The following SLC25A21 variants were observed in gnomAD, a reference collection of about 807,000 sequenced individuals.
The protein encoded by SLC25A21 is solute carrier family 25 member 21.
A neutral mutation model predicts 43.8 loss-of-function variants in SLC25A21; 47 were observed. That is an observed-to-expected ratio of 1.07 (90% CI 0.85 to 1.37). The LOEUF (loss-of-function observed/expected upper bound fraction) is 1.37. SLC25A21 is among the 40% of genes most tolerant of loss of function. SLC25A21 has a pLI of 0.00. For synonymous variants in SLC25A21, 131 were observed against 121.3 expected (o/e 1.08, Z -0.52); for missense variants, 352 against 350.2 (o/e 1.00, Z -0.04).
chr14:36,925,781 A>T (rs570901623), intron 1 of SLC25A21, among the ~76,000 whole-genome samples: 1 of 152,154 alleles, frequency 6.6e-6, no homozygotes, highest in Non-Finnish European at 1.5e-5. Flanking sequence ...CAGGGGGCAG[A>T]GGTTGTAGTG....
At chr14:37,113,315 G>C (rs1963052633) in intron 1 of SLC25A21, among the ~76,000 whole-genome samples, 1 of 152,106 alleles carries the variant, frequency 6.6e-6, no homozygotes, top group African/African-American at 2.4e-5. Flanking sequence ...GCATGGAATT[G>C]ATTAAATAGG....
At chr14:37,034,717 C>A (rs1290398426) in intron 1 of SLC25A21, among the ~76,000 whole-genome samples, 1 of 152,190 alleles carries the variant, frequency 6.6e-6, no homozygotes, top group African/African-American at 2.4e-5. Flanking sequence ...TACACTCAAC[C>A]ATCTGCTATT....
intron 1 of SLC25A21, among the ~76,000 whole-genome samples, chr14:36,957,284 T>C (rs992991293): frequency 5.3e-5 from 8 of 152,112 alleles, no homozygotes; most frequent in African/African-American, 1.2e-4. Flanking sequence ...AGGAAGACCC[T>C]AGGGAGGAAG....
At chr14:36,973,208 T>C (rs1039774689) in intron 1 of SLC25A21, among the ~76,000 whole-genome samples, 2 of 151,780 alleles carry the variant, frequency 1.3e-5, no homozygotes, top group Non-Finnish European at 2.9e-5. Flanking sequence ...AATCTGGCAG[T>C]GTATGTAAGA....
intron 7 of SLC25A21, among the ~76,000 whole-genome samples, chr14:36,701,319 C>G (rs1272318783): frequency 6.6e-6 from 1 of 152,196 alleles, no homozygotes; most frequent in African/African-American, 2.4e-5. Flanking sequence ...GCTCCCCACT[C>G]CACAGAAGGT....
chr14:37,110,157 C>T (rs754954847), intron 1 of SLC25A21, among the ~76,000 whole-genome samples: 1 of 152,178 alleles, frequency 6.6e-6, no homozygotes. Context: ...CTACTTCAGA[C>T]TTTCTAATCA....
At chr14:37,127,593 G>A (rs1285528092) in intron 1 of SLC25A21, among the ~76,000 whole-genome samples, 1 of 151,958 alleles carries the variant, frequency 6.6e-6, no homozygotes, top group Non-Finnish European at 1.5e-5. Flanking sequence ...GTTGAAATAG[G>A]TTTCCAATTG....
chr14:36,725,755 T>C, intron 5 of SLC25A21, 78 bp from the exon 6 acceptor site: 1 of 852,740 alleles, frequency 1.2e-6, no homozygotes, highest in Non-Finnish European at 1.7e-6. Context: ...CATTACACTA[T>C]GCAGCTGAAC....
In SLC25A21 at chr14:36,679,962, T is replaced by TAAAACACTG. The variant is rs76021271; in HGVS notation, c.*695_*696insCAGTGTTTT. 0.46 allele frequency: 373,564 copies of TAAAACACTG among 820,816 alleles called. 90,927 individuals carry two copies. The highest frequency in any genetic ancestry group is 0.6 in the Admixed American group (9,655 of 15,980). 50.8% of individuals were successfully genotyped at this position (820,816 alleles called of 1,614,324 possible). ...TTTAAACATGCTTAAACAACAGTGT[T>TAAAACACTG]TTAACATTCTGTTTTAAACAATGTT... On this transcript the variant is annotated 3_prime_UTR_variant, in exon 10 of 10. Transcript: ENST00000331299.
intron 1 of SLC25A21, among the ~76,000 whole-genome samples, chr14:37,001,830 C>A (rs1263287904): frequency 6.6e-6 from 1 of 152,128 alleles, no homozygotes; most frequent in Non-Finnish European, 1.5e-5. Context: ...ATCTTTTCCA[C>A]TTTGCACTAA....
intron 1 of SLC25A21, among the ~76,000 whole-genome samples, chr14:37,110,121 T>G (rs1198790461): frequency 6.6e-6 from 1 of 152,184 alleles, no homozygotes; most frequent in African/African-American, 2.4e-5. Context: ...AATGTATAAT[T>G]GCTGTAAAAC....
rs566929685 is a variant in SLC25A21 at position 36,741,197 on chromosome 14, T to C, written c.204-6624A>G. Among the ~76,000 whole-genome samples the C allele has an allele frequency of 5.3e-5, 8 of 152,298 alleles. No homozygotes were observed. In the East Asian group the frequency reaches 1.2e-3, roughly 22 times the overall value. ...ATGTGTTTGGGAATCATTTGTACCA[T>C]AGAGTTGAACTCCTCTTTCAAGCAG... is the stretch of plus-strand genomic sequence containing the variant. On this transcript the variant is annotated intron_variant, in intron 3 of 9. Coordinates refer to ENST00000331299, the MANE Select transcript of SLC25A21 (RefSeq NM_030631.4).
rs536517266 is a variant in SLC25A21 at position 37,040,359 on chromosome 14, AAGAGAGAG to A, written c.70+131914_70+131921del. Among the ~76,000 whole-genome samples the A allele has an allele frequency of 2.0e-4, 8 of 40,150 alleles. 1 individual carries two copies. The South Asian group carries it at 4.9e-3, about 25-fold the overall frequency. The allele number at this position is 40,150 out of a possible 152,430, so 26.3% of individuals were successfully genotyped here. On this transcript the variant is annotated intron_variant, in intron 1 of 9. Coordinates refer to ENST00000331299, the MANE Select transcript of SLC25A21 (RefSeq NM_030631.4). The stretch of plus-strand genomic sequence containing the variant: ...AAGGAAGGAAGGAAGGAAGGAAAGA[AAGAGAGAG>A]AGAGAGAGAAAGAAAGAAAGAAAGA...
chr14:37,104,790 C>G (rs1962881849), intron 1 of SLC25A21, among the ~76,000 whole-genome samples: 2 of 152,184 alleles, frequency 1.3e-5, no homozygotes, highest in Admixed American at 6.5e-5. Context: ...CTAAGCAAAG[C>G]TAACAAGAGC....
At chr14:36,895,464 A>T (rs1028989840) in intron 1 of SLC25A21, among the ~76,000 whole-genome samples, 52 of 151,974 alleles carry the variant, frequency 3.4e-4, no homozygotes, top group African/African-American at 1.1e-3. Flanking sequence ...GCAGTCTATC[A>T]ATTTTGTTGA....
chr14:36,756,099 C>G (rs959490378), intron 3 of SLC25A21, among the ~76,000 whole-genome samples: 90 of 152,176 alleles, frequency 5.9e-4, no homozygotes, highest in African/African-American at 2.1e-3. Context: ...CTCAGACTGG[C>G]ACACCATTCT....
At chr14:36,727,594 A>T (rs1884652293) in intron 5 of SLC25A21, among the ~76,000 whole-genome samples, 1 of 152,226 alleles carries the variant, frequency 6.6e-6, no homozygotes, top group African/African-American at 2.4e-5. Flanking sequence ...AGGCTGAGGC[A>T]GGAGAATCAC....
Position 36,689,132 on chromosome 14 carries a change from T to C in SLC25A21, c.604-4207A>G, listed in dbSNP as rs1170914382. Among the ~76,000 whole-genome samples, 6 of 152,236 alleles carry C rather than the reference T, an allele frequency of 3.9e-5. No individual in the cohort carries two copies. The East Asian group carries it at 7.7e-4, about 20-fold the overall frequency. On this transcript the variant is annotated intron_variant, in intron 7 of 9. Transcript: ENST00000331299. ...CATGGTTGGGGAGGCCTCACAATCA[T>C]GGCAGAAGGCAAGGAAGAGCAAGTC...
intron 3 of SLC25A21, among the ~76,000 whole-genome samples, chr14:36,807,708 A>C (rs948200466): frequency 1.3e-5 from 2 of 152,206 alleles, no homozygotes; most frequent in Non-Finnish European, 2.9e-5. Context: ...ATTGAGCCAA[A>C]CACCTTGGAG....
Sources: allele counts gnomAD v4.1 joint callset (sites outside exome capture counted in the v4.1 genomes callset), GRCh38; gene constraint gnomAD v4.1.1; transcripts MANE v1.5; gene names NCBI Gene and HGNC (gene_info 2026-07-23, HGNC 2026-07-21).